NEB: variants seen among roughly 807,000 people sequenced by gnomAD.
NEB encodes the protein nemaline myopathy type 2.
A neutral mutation model predicts 952.2 loss-of-function variants in NEB; 512 were observed. The observed-to-expected ratio is 0.54, with a 90% confidence interval of 0.50 to 0.58. The LOEUF (loss-of-function observed/expected upper bound fraction) is 0.58. Among genes scored for constraint, NEB ranks in the 20% least tolerant of loss-of-function variants. The probability of loss-of-function intolerance (pLI) is 0.00; values close to 1 mark genes in which losing one functional copy is unlikely to be tolerated. For synonymous variants in NEB, 2,900 were observed against 3,149.8 expected (o/e 0.92, Z 2.66); for missense variants, 8,428 against 9,231.1 (o/e 0.91, Z 3.56).
rs2099384858 is a variant in NEB, at chr2:151,677,870, A to ACTTACATCACTCTGTATCTGCATCATG, written c.3546_3567+5dup. 6.2e-7 allele frequency: 1 copy of ACTTACATCACTCTGTATCTGCATCATG among 1,607,114 alleles called. No individual in the cohort carries two copies. The highest frequency in any genetic ancestry group is 1.7e-5 in the Admixed American group (1 of 59,570). On this transcript the variant is annotated splice_donor_region_variant and intron_variant, in intron 33 of 181. Coordinates refer to ENST00000397345, the MANE Select transcript of NEB (RefSeq NM_001164508.2). ...GGGGGTTTCTTGAGAAGTAAATGAC[A>ACTTACATCACTCTGTATCTGCATCATG]CTTACATCACTCTGTATCTGCATCA...
rs934955715 is a variant in NEB, at chr2:151,531,809, TG to T, written c.21504del (p.Asn7169ThrfsTer43). On this transcript the variant is annotated frameshift_variant, in exon 144 of 182. Coordinates refer to ENST00000397345, the MANE Select transcript of NEB (RefSeq NM_001164508.2). LOFTEE classifies it high-confidence loss of function. ...DTPEHLRTTK[V>X]NKQISDILYK... is the part of the protein sequence containing the mutation. The stretch of plus-strand genomic sequence containing the variant: ...GCACTTACATCGCTGATTTGTTTGT[TG>T]ACTTTTGTAGTACGCAGGTGTTCTG... The T allele has an allele frequency of 1.2e-6, 2 of 1,612,130 alleles. No homozygotes were observed. Among genetic ancestry groups the T allele is most frequent in the African/African-American group, 2.7e-5 (2 of 75,036 alleles).
chr2:151,557,834 ACT>A (rs1407894928), intron 124 of NEB, among the ~76,000 whole-genome samples: 1 of 152,076 alleles, frequency 6.6e-6, no homozygotes, highest in Non-Finnish European at 1.5e-5. Flanking sequence ...CATGCTAAAA[ACT>A]CTCAATAAAC....
chr2:151,663,089 G>A (rs1455462442), intron 45 of NEB, among the ~76,000 whole-genome samples: 1 of 152,148 alleles, frequency 6.6e-6, no homozygotes, highest in African/African-American at 2.4e-5. Flanking sequence ...GGCTGCCTCA[G>A]TCATCACCTT....
At chr2:151,637,703 G>A (rs953077901) in intron 63 of NEB, among the ~76,000 whole-genome samples, 2 of 152,136 alleles carry the variant, frequency 1.3e-5, no homozygotes, top group Non-Finnish European at 2.9e-5. Flanking sequence ...GACACAGGGG[G>A]AGCCCTTTGT....
Position 151,551,937 on chromosome 2 carries a change from T to G in NEB, c.19837-92A>C, listed in dbSNP as rs542782355. The stretch of plus-strand genomic sequence containing the variant: ...TAACGGTAGCCTGCTTCCCTTTGCC[T>G]GGAGAACTCATCTGACACATTACTG... On this transcript the variant is annotated intron_variant, in intron 128 of 181. Transcript: ENST00000397345. 155 of 853,472 alleles carry G rather than the reference T, an allele frequency of 1.8e-4. No individual in the cohort carries two copies. The Middle Eastern group carries it at 2.5e-3, about 14-fold the overall frequency. 52.9% of individuals were successfully genotyped at this position (853,472 alleles called of 1,614,324 possible).
intron 9 of NEB, among the ~76,000 whole-genome samples, chr2:151,720,897 G>C (rs1177498196): frequency 1.3e-5 from 2 of 152,106 alleles, no homozygotes; most frequent in African/African-American, 4.8e-5. Flanking sequence ...TTCTTGCCCT[G>C]TTCTCATACC....
rs780950236 is a variant in NEB at position 151,610,124 on chromosome 2, A to C, written c.12019-4T>G. 6 of 1,599,764 alleles carry C rather than the reference A, an allele frequency of 3.8e-6. No individual in the cohort carries two copies. The East Asian group carries it at 6.7e-5, about 18-fold the overall frequency. The stretch of plus-strand genomic sequence containing the variant: ...CATAGGCTTCCTTGTATTTGTACTA[A>C]AATGCCAGAAATACAGGTGGAGACA... On this transcript the variant is annotated splice_polypyrimidine_tract_variant and splice_region_variant and intron_variant, in intron 80 of 181. Coordinates refer to ENST00000397345, the MANE Select transcript of NEB (RefSeq NM_001164508.2).
At chr2:151,669,253 T>A (rs534143040) in intron 38 of NEB, 122 bp from the exon 39 acceptor site, 2 of 674,638 alleles carry the variant, frequency 3.0e-6, no homozygotes, top group Non-Finnish European at 5.1e-6. Flanking sequence ...GACAAATACC[T>A]ACTCTGTCAT....
At chr2:151,647,407 G>A (rs1321740758) in intron 54 of NEB, among the ~76,000 whole-genome samples, 2 of 152,144 alleles carry the variant, frequency 1.3e-5, no homozygotes, top group African/African-American at 4.8e-5. Flanking sequence ...ATCGTGCCCG[G>A]CTAAAACTAG....
At chr2:151,616,592 G>T (rs2098205661) in intron 75 of NEB, among the ~76,000 whole-genome samples, 1 of 152,132 alleles carries the variant, frequency 6.6e-6, no homozygotes, top group Admixed American at 6.5e-5. Flanking sequence ...TACTCGGGAG[G>T]CTGAGGCAGG....
chr2:151,694,759 C>G, intron 18 of NEB, 130 bp from the exon 19 acceptor site: 1 of 715,056 alleles, frequency 1.4e-6, no homozygotes, highest in African/African-American at 1.8e-5. Context: ...TCTAGGAAAT[C>G]ATGCATATTT....
In NEB at chr2:151,492,500, G is replaced by T. The variant is rs2057361729; in HGVS notation, c.24766-6C>A. 5 of 1,597,450 alleles carry T rather than the reference G, an allele frequency of 3.1e-6. No individual in the cohort carries two copies. Among genetic ancestry groups the T allele is most frequent in the Middle Eastern group, 3.4e-4 (2 of 5,950 alleles). ...AAACTATCAGAATAAAGAACCTGAT[G>T]CAGGAGAGACCGTGAATGAGTGGTG... On this transcript the variant is annotated splice_polypyrimidine_tract_variant and splice_region_variant and intron_variant, in intron 176 of 181. Transcript: ENST00000397345.
intron 160 of NEB, 69 bp downstream of exon 160, chr2:151,513,511 A>G: frequency 9.0e-7 from 1 of 1,115,870 alleles, no homozygotes; most frequent in South Asian, 1.4e-5. Context: ...CAGATGACAG[A>G]GGGACACTTT....
rs566651804 is a variant in NEB, at chr2:151,489,839, CAT to C, written c.25404+130_25404+131del. The C allele has an allele frequency of 2.5e-4, 130 of 527,162 alleles. 2 individuals are homozygous for C. The highest frequency in any genetic ancestry group is 1.9e-3 in the African/African-American group (95 of 50,850). 32.7% of individuals were successfully genotyped at this position (527,162 alleles called of 1,614,324 possible). ...GTTTTCTGATATCATTAATATGAAA[CAT>C]GTAATAAAAGAGCATTATATAAAAT... On this transcript the variant is annotated intron_variant, in intron 181 of 181. Coordinates refer to ENST00000397345, the MANE Select transcript of NEB (RefSeq NM_001164508.2).
intron 63 of NEB, among the ~76,000 whole-genome samples, chr2:151,638,941 A>T (rs2098811447): frequency 6.6e-6 from 1 of 152,164 alleles, no homozygotes. Flanking sequence ...AATATATGGA[A>T]AATATATTTA....
At position 151,650,940 on chromosome 2, in the gene NEB, A is replaced by G; in HGVS notation, c.6916-55T>C. 2.0e-6 allele frequency: 3 copies of G among 1,465,726 alleles called. No individual in the cohort carries two copies. The East Asian group carries it at 7.0e-5, about 34-fold the overall frequency. 90.8% of individuals were successfully genotyped at this position (1,465,726 alleles called of 1,614,324 possible). On this transcript the variant is annotated intron_variant, in intron 52 of 181. Transcript: ENST00000397345. ...GTACACAAAGGCCAAGTTAAGCTCAACTTGCTTTTTTTTCTTTTCTTTCTT... is the reference window on the plus strand; with the variant it reads ...GTACACAAAGGCCAAGTTAAGCTCAGCTTGCTTTTTTTTCTTTTCTTTCTT...
At chr2:151,519,523 T>A in intron 154 of NEB, 135 bp downstream of exon 154, 1 of 695,996 alleles carries the variant, frequency 1.4e-6, no homozygotes, top group Non-Finnish European at 2.4e-6. Flanking sequence ...TCTGTTGGTA[T>A]GAAAACATTT....
chr2:151,616,292 T>C (rs536762025), intron 75 of NEB, among the ~76,000 whole-genome samples, 183 bp from the exon 76 acceptor site: 3 of 152,218 alleles, frequency 2.0e-5, no homozygotes, highest in Non-Finnish European at 4.4e-5. Context: ...GTTCCAAACA[T>C]TGGGATTTTA....
intron 139 of NEB, 40 bp downstream of exon 139, chr2:151,538,100 T>C (rs761037440): frequency 1.3e-6 from 2 of 1,540,612 alleles, no homozygotes; most frequent in Non-Finnish European, 1.8e-6. Flanking sequence ...ATATGGTGAG[T>C]TGTAGAGCCC....
Sources: allele counts gnomAD v4.1 joint callset (sites outside exome capture counted in the v4.1 genomes callset), GRCh38; gene constraint gnomAD v4.1.1; transcripts MANE v1.5; gene names NCBI Gene and HGNC (gene_info 2026-07-23, HGNC 2026-07-21).